The following FRMD3 variants were observed in gnomAD, a reference collection of about 807,000 sequenced individuals.
The protein encoded by FRMD3 is FERM domain containing 3, also known as FERM domain-containing protein 3.
FRMD3 carries 33 observed loss-of-function variants against 70.2 expected under a neutral mutation model. The ratio of observed to expected loss-of-function variants is 0.47; its 90% CI spans 0.36 to 0.63. The LOEUF (loss-of-function observed/expected upper bound fraction) is 0.63, where lower values mean the gene tolerates loss of function less well. FRMD3 is among the 20% of genes least tolerant of loss of function. The pLI is 0.00. For missense variants in FRMD3, 632 were observed against 711.4 expected (o/e 0.89, Z 1.27); for synonymous variants, 279 against 255.9 (o/e 1.09, Z -0.86).
At chr9:83,508,435 G>GA (rs370162346) in intron 1 of FRMD3, among the ~76,000 whole-genome samples, 4 of 151,982 alleles carry the variant, frequency 2.6e-5, no homozygotes, top group South Asian at 2.1e-4. Flanking sequence ...CGACTGTTTA[G>GA]AAAAAAAAGT....
chr9:83,331,768 T>TA, intron 6 of FRMD3: 1 of 654,142 alleles, frequency 1.5e-6, no homozygotes, highest in South Asian at 1.6e-5. Context: ...TAAAGTCTAT[T>TA]AAAAAAAGAA....
At chr9:83,279,707 C>T (rs953058680) in intron 13 of FRMD3, among the ~76,000 whole-genome samples, 3 of 151,330 alleles carry the variant, frequency 2.0e-5, no homozygotes, top group Admixed American at 1.3e-4. Context: ...AACAGAAAAC[C>T]ACACACCAAA....
chr9:83,549,369 G>A, the FRMD3 span, among the ~76,000 whole-genome samples: 2 of 152,238 alleles, frequency 1.3e-5, no homozygotes, highest in African/African-American at 4.8e-5. Flanking sequence ...GGGCATTTAG[G>A]TTGATTCCAT....
intron 1 of FRMD3, among the ~76,000 whole-genome samples, chr9:83,489,598 C>T (rs934074386): frequency 2.4e-4 from 36 of 151,976 alleles, no homozygotes; most frequent in African/African-American, 8.5e-4. Flanking sequence ...ATTAAAAAAT[C>T]AAAAAATAAC....
chr9:83,365,778 T>C (rs577650486), intron 3 of FRMD3, among the ~76,000 whole-genome samples: 1 of 152,296 alleles, frequency 6.6e-6, no homozygotes, highest in East Asian at 1.9e-4. Context: ...GCATGGTGTG[T>C]TTAGGCAGAG....
Position 83,347,454 on chromosome 9 carries a change from C to T in FRMD3, c.374+2225G>A, listed in dbSNP as rs191034691. Among the ~76,000 whole-genome samples the T allele has an allele frequency of 1.5e-3, 226 of 152,156 alleles. 1 individual carries two copies. The highest frequency in any genetic ancestry group is 4.7e-3 in the African/African-American group (196 of 41,520). On this transcript the variant is annotated intron_variant, in intron 4 of 13. Transcript: ENST00000304195. The stretch of plus-strand genomic sequence containing the variant: ...TCTCTACATGGATTGGAAGATGCTA[C>T]TTCTAAAAAAAATTAAAATCAACAT...
At position 83,512,523 on chromosome 9, in the gene FRMD3, T is replaced by C. The variant is rs1173088811; in HGVS notation, c.147+25562A>G. Among the ~76,000 whole-genome samples, 4 of 152,186 alleles carry C rather than the reference T, an allele frequency of 2.6e-5. No homozygotes were observed. The East Asian group carries it at 7.7e-4, about 29-fold the overall frequency. On this transcript the variant is annotated intron_variant, in intron 1 of 13. Coordinates refer to ENST00000304195, the MANE Select transcript of FRMD3 (RefSeq NM_174938.6). ...GATTTAGTTAATGGTTACTGGCTGA[T>C]CCATCCACTGATCGCAGAACCTTTC...
intron 13 of FRMD3, among the ~76,000 whole-genome samples, chr9:83,283,536 AAAAAAAAAAAAATAAT>A (rs1379255205): frequency 9.7e-6 from 1 of 102,738 alleles, no homozygotes; most frequent in Non-Finnish European, 2.0e-5. Flanking sequence ...ATCTCAAAAA[AAAAAAAAAAAAATAAT>A]AATAATAATA....
intron 13 of FRMD3, among the ~76,000 whole-genome samples, chr9:83,287,597 C>T (rs144236016): frequency 4.2e-4 from 64 of 152,288 alleles, no homozygotes; most frequent in Non-Finnish European, 6.5e-4. Context: ...CTCACCTTCA[C>T]CATCCCCCAG....
At chr9:83,546,186 A>T in the FRMD3 span, among the ~76,000 whole-genome samples, 1 of 152,058 alleles carries the variant, frequency 6.6e-6, no homozygotes, top group East Asian at 1.9e-4. Context: ...GTGAAATGCC[A>T]TCTCTACCAA....
intron 1 of FRMD3, among the ~76,000 whole-genome samples, chr9:83,440,805 G>A (rs1035624184): frequency 6.6e-6 from 1 of 152,138 alleles, no homozygotes; most frequent in African/African-American, 2.4e-5. Flanking sequence ...GCATAATTGA[G>A]GTAAAGATTA....
chr9:83,335,694 G>C (rs558559856), intron 5 of FRMD3, 55 bp from the exon 6 acceptor site: 3 of 1,550,788 alleles, frequency 1.9e-6, no homozygotes, highest in Non-Finnish European at 2.6e-6. Context: ...AATAACATGA[G>C]CAGGGTGCAT....
intron 3 of FRMD3, among the ~76,000 whole-genome samples, chr9:83,355,145 C>G (rs1439560425): frequency 2.0e-5 from 3 of 152,150 alleles, no homozygotes; most frequent in Admixed American, 1.3e-4. Context: ...TGACTAACCC[C>G]TTCTCCAAGC....
chr9:83,365,400 T>A (rs1824754541), intron 3 of FRMD3, among the ~76,000 whole-genome samples: 1 of 152,200 alleles, frequency 6.6e-6, no homozygotes, highest in Non-Finnish European at 1.5e-5. Flanking sequence ...AAGACATTTA[T>A]TTTTACTTGT....
chr9:83,304,925 C>T (rs1835066395), intron 10 of FRMD3, among the ~76,000 whole-genome samples: 1 of 152,178 alleles, frequency 6.6e-6, no homozygotes, highest in African/African-American at 2.4e-5. Context: ...CGTCTGGGCT[C>T]CATTCCCAGG....
chr9:83,378,266 T>TG (rs1825212790), intron 2 of FRMD3, among the ~76,000 whole-genome samples: 1 of 141,768 alleles, frequency 7.1e-6, no homozygotes, highest in African/African-American at 2.8e-5. Flanking sequence ...TTTTTGTTTT[T>TG]TTTGTTTTTT....
the FRMD3 span, among the ~76,000 whole-genome samples, chr9:83,570,823 G>A: frequency 3.3e-5 from 5 of 152,318 alleles, no homozygotes; most frequent in South Asian, 2.1e-4. Flanking sequence ...ATCGGCTTCC[G>A]TAATCTAGGC....
the FRMD3 span, among the ~76,000 whole-genome samples, chr9:83,545,013 C>T: frequency 6.6e-6 from 1 of 152,124 alleles, no homozygotes; most frequent in African/African-American, 2.4e-5. Context: ...CACTAAATAT[C>T]TAACAATGGA....
chr9:83,449,361 C>T (rs192898078), intron 1 of FRMD3, among the ~76,000 whole-genome samples: 1 of 152,216 alleles, frequency 6.6e-6, no homozygotes, highest in East Asian at 1.9e-4. Context: ...GGCCAGTGAA[C>T]AGCTGTAAAA....
Sources: allele counts gnomAD v4.1 joint callset (sites outside exome capture counted in the v4.1 genomes callset), GRCh38; gene constraint gnomAD v4.1.1; transcripts MANE v1.5; gene names NCBI Gene and HGNC (gene_info 2026-07-23, HGNC 2026-07-21).